MOB1B: variants seen among roughly 807,000 people sequenced by gnomAD.
The protein encoded by MOB1B is MOB kinase activator 1B, also known as MOB1 Mps One Binder homolog B.
MOB1B carries 19 observed loss-of-function variants against 24.4 expected under a neutral mutation model. That is an observed-to-expected ratio of 0.78 (90% CI 0.54 to 1.14). The LOEUF (loss-of-function observed/expected upper bound fraction) is 1.14, where lower values mean the gene tolerates loss of function less well. Ranked by LOEUF, MOB1B falls within the 50% of genes most tolerant of loss-of-function variation. The pLI is 0.00. For synonymous variants in MOB1B, 76 were observed against 82.1 expected (o/e 0.93, Z 0.40); for missense variants, 243 against 259.6 (o/e 0.94, Z 0.44).
At chr4:70,929,015 G>GTGCTCAT (rs1560638179) in intron 1 of MOB1B, among the ~76,000 whole-genome samples, 1 of 152,136 alleles carries the variant, frequency 6.6e-6, no homozygotes. Context: ...GGGAATGAGA[G>GTGCTCAT]TGCTCATTTC....
chr4:70,939,597 C>A lies in MOB1B; in HGVS notation c.15-19277C>A, dbSNP rs577794140. Among the ~76,000 whole-genome samples the A allele has an allele frequency of 2.0e-5, 3 of 152,256 alleles. No individual in the cohort carries two copies. The South Asian group carries it at 6.2e-4, about 32-fold the overall frequency. ...CTCAAGAGGCTGAGGCTGGGAGGAT[C>A]TCTTGAATGTGGTGAAACGGGAAAG... is the stretch of plus-strand genomic sequence containing the variant. On this transcript the variant is annotated intron_variant, in intron 1 of 5. Coordinates refer to ENST00000309395, the MANE Select transcript of MOB1B (RefSeq NM_173468.4).
At chr4:70,924,483 A>AT (rs888950725) in intron 1 of MOB1B, among the ~76,000 whole-genome samples, 4 of 150,232 alleles carry the variant, frequency 2.7e-5, no homozygotes, top group East Asian at 1.9e-4. Context: ...AGAACCAACT[A>AT]TTTTTTTTTT....
At position 70,982,800 on chromosome 4, in the gene MOB1B, G is replaced by A. The variant is rs1180832493; in HGVS notation, c.*743G>A. 2 of 152,482 alleles carry A rather than the reference G, an allele frequency of 1.3e-5. No homozygotes were observed. The highest frequency in any genetic ancestry group is 2.9e-5 in the Non-Finnish European group (2 of 68,000). 9.4% of individuals were successfully genotyped at this position (152,482 alleles called of 1,614,324 possible). ...ATTACATTTTGGCTTCTTTCTACAT[G>A]TTAACTGCACTGTAGATGTAAAAAT... On this transcript the variant is annotated 3_prime_UTR_variant, in exon 6 of 6. Transcript: ENST00000309395.
intron 1 of MOB1B, among the ~76,000 whole-genome samples, chr4:70,930,381 A>G (rs1736842214): frequency 6.6e-6 from 1 of 152,114 alleles, no homozygotes; most frequent in Non-Finnish European, 1.5e-5. Context: ...TTTCTCATGG[A>G]GTCTGTTAGA....
intron 3 of MOB1B, 59 bp downstream of exon 3, chr4:70,970,083 A>G: frequency 9.6e-7 from 1 of 1,040,552 alleles, no homozygotes; most frequent in South Asian, 1.5e-5. Flanking sequence ...TTCTTAAAGA[A>G]AAACGAAGTT....
At chr4:70,976,411 T>C (rs1036460941) in intron 4 of MOB1B, 4 of 985,224 alleles carry the variant, frequency 4.1e-6, no homozygotes, top group African/African-American at 1.7e-5. Flanking sequence ...GATATTAAGC[T>C]ATGTGAGAAG....
Position 70,902,397 on chromosome 4 carries a change from C to T in MOB1B, c.-140C>T, listed in dbSNP as rs918428298. The T allele has an allele frequency of 2.8e-5, 24 of 860,240 alleles. No homozygotes were observed. The Admixed American group carries it at 4.0e-4, about 14-fold the overall frequency. The allele number at this position is 860,240 out of a possible 1,614,324, so 53.3% of individuals were successfully genotyped here. A position where few individuals can be genotyped will look rare whatever the true frequency, so the allele number is the denominator to read the frequency against. Reference sequence around the variant, plus strand: ...GGAACTAGCTGAGCCGAACTAGTTGCGGCCACCGAGCAGCCGGCTCTCGGC... The same window carrying T: ...GGAACTAGCTGAGCCGAACTAGTTGTGGCCACCGAGCAGCCGGCTCTCGGC... On this transcript the variant is annotated 5_prime_UTR_variant, in exon 1 of 6. Coordinates refer to ENST00000309395, the MANE Select transcript of MOB1B (RefSeq NM_173468.4).
intron 1 of MOB1B, among the ~76,000 whole-genome samples, chr4:70,940,781 A>G (rs941197288): frequency 3.3e-5 from 5 of 151,800 alleles, no homozygotes; most frequent in Admixed American, 6.6e-5. Flanking sequence ...GGTTCAAGCA[A>G]TTCTCCTGCC....
chr4:70,940,899 C>G (rs1483273338), intron 1 of MOB1B, among the ~76,000 whole-genome samples: 1 of 152,038 alleles, frequency 6.6e-6, no homozygotes, highest in African/African-American at 2.4e-5. Context: ...TATCGAACTC[C>G]TGACCTCAGG....
chr4:70,984,351 A>G lies in MOB1B; in HGVS notation c.*2294A>G, dbSNP rs1578410373. On this transcript the variant is annotated 3_prime_UTR_variant, in exon 6 of 6. Transcript: ENST00000309395. ...TGTTACATGGCTACAAGTAAGGAAA[A>G]AATCAGAAAGTGAAAGAACTGATGT... 6.6e-6 allele frequency: 1 copy of G among 152,308 alleles called. No homozygotes were observed. The highest frequency in any genetic ancestry group is 1.9e-4 in the East Asian group (1 of 5,182). 9.4% of individuals were successfully genotyped at this position (152,308 alleles called of 1,614,324 possible).
intron 1 of MOB1B, among the ~76,000 whole-genome samples, chr4:70,955,078 G>T (rs1251424379): frequency 6.6e-6 from 1 of 152,220 alleles, no homozygotes; most frequent in Non-Finnish European, 1.5e-5. Flanking sequence ...GAGCCACTGT[G>T]CCCGGCCTAG....
chr4:70,935,184 AG>A (rs749724677), intron 1 of MOB1B, among the ~76,000 whole-genome samples: 2 of 152,150 alleles, frequency 1.3e-5, no homozygotes, highest in Non-Finnish European at 2.9e-5. Context: ...AGCCTTCAGA[AG>A]AAATGCTAGG....
rs1193116700 is a variant in MOB1B, at chr4:70,942,256, G to T, written c.15-16618G>T. Among the ~76,000 whole-genome samples the T allele has an allele frequency of 3.9e-5, 6 of 151,952 alleles. No homozygotes were observed. In the East Asian group the frequency reaches 1.2e-3, roughly 29 times the overall value. ...GTGTACATATTACCAATATCTTCTA[G>T]TGGTAATATTAAAGTGGTCTATTAA... On this transcript the variant is annotated intron_variant, in intron 1 of 5. Transcript: ENST00000309395.
chr4:70,914,367 C>G (rs1736114445), intron 1 of MOB1B, among the ~76,000 whole-genome samples: 1 of 152,290 alleles, frequency 6.6e-6, no homozygotes, highest in East Asian at 1.9e-4. Context: ...TGTTCCCATC[C>G]TCATTTGAAC....
chr4:70,907,404 T>TCAAAAAG (rs951019218), intron 1 of MOB1B, among the ~76,000 whole-genome samples: 1 of 152,164 alleles, frequency 6.6e-6, no homozygotes, highest in African/African-American at 2.4e-5. Context: ...ATTATGGGTC[T>TCAAAAAG]CTTTTGACTA....
rs541959661 is a variant in MOB1B, at chr4:70,987,022, A to G, written c.*4965A>G. ...ACTAAATAATTGAAAAATATGGGCTATAGTTCTCAAAGGTAGATAGTAAAA... is the reference window on the plus strand; with the variant it reads ...ACTAAATAATTGAAAAATATGGGCTGTAGTTCTCAAAGGTAGATAGTAAAA... On this transcript the variant is annotated 3_prime_UTR_variant, in exon 6 of 6. Coordinates refer to ENST00000309395, the MANE Select transcript of MOB1B (RefSeq NM_173468.4). 507 of 152,262 alleles carry G rather than the reference A, an allele frequency of 3.3e-3. 1 individual carries two copies. The highest frequency in any genetic ancestry group is 0.012 in the African/African-American group (482 of 41,582). 9.4% of individuals were successfully genotyped at this position (152,262 alleles called of 1,614,324 possible).
chr4:70,975,026 T>G (rs1738919555), intron 3 of MOB1B, 127 bp from the exon 4 acceptor site: 1 of 652,694 alleles, frequency 1.5e-6, no homozygotes, highest in South Asian at 6.0e-5. Flanking sequence ...AAAATGTATC[T>G]TTATTTGGAG....
intron 1 of MOB1B, among the ~76,000 whole-genome samples, chr4:70,910,773 G>T (rs1272870511): frequency 6.6e-6 from 1 of 151,796 alleles, no homozygotes; most frequent in East Asian, 1.9e-4. Context: ...TGTATTTAGG[G>T]ATAAAGTTCT....
At chr4:70,927,559 T>A (rs941610929) in intron 1 of MOB1B, among the ~76,000 whole-genome samples, 1 of 151,908 alleles carries the variant, frequency 6.6e-6, no homozygotes, top group Non-Finnish European at 1.5e-5. Context: ...AAAATTGCCG[T>A]CAATACCACA....
Sources: allele counts gnomAD v4.1 joint callset (sites outside exome capture counted in the v4.1 genomes callset), GRCh38; gene constraint gnomAD v4.1.1; transcripts MANE v1.5; gene names NCBI Gene and HGNC (gene_info 2026-07-23, HGNC 2026-07-21).